ANKRD29: variants seen among roughly 807,000 people sequenced by gnomAD.
ANKRD29 encodes the protein ankyrin repeat domain 29.
Under a neutral mutation model 38.0 loss-of-function variants are expected in ANKRD29, and 32 were observed. That is an observed-to-expected ratio of 0.84 (90% CI 0.64 to 1.13). The LOEUF (loss-of-function observed/expected upper bound fraction) is 1.13, where lower values mean the gene tolerates loss of function less well. Among genes scored for constraint, ANKRD29 ranks in the 50% most tolerant of loss-of-function variants. The pLI is 0.00. For synonymous variants in ANKRD29, 135 were observed against 152.4 expected, an observed-to-expected ratio of 0.89 and a Z score of 0.84; for missense variants, 357 against 377.9, an observed-to-expected ratio of 0.94 and a Z score of 0.46.
intron 1 of ANKRD29, among the ~76,000 whole-genome samples, chr18:23,661,772 A>T (rs1172246633): frequency 2.6e-5 from 4 of 152,196 alleles, no homozygotes; most frequent in Non-Finnish European, 4.4e-5. Flanking sequence ...CCACCTATGC[A>T]CTGGTCCAGT....
intron 9 of ANKRD29, among the ~76,000 whole-genome samples, chr18:23,606,503 GT>G (rs1428070777): frequency 3.9e-5 from 6 of 152,182 alleles, no homozygotes; most frequent in Admixed American, 3.9e-4. Context: ...TAGAGAGGGG[GT>G]CTTGCTATAT....
chr18:23,624,493 A>AAAAAAAAAAC (rs1347550888), intron 6 of ANKRD29, among the ~76,000 whole-genome samples: 1 of 146,984 alleles, frequency 6.8e-6, no homozygotes, highest in Non-Finnish European at 1.5e-5. Flanking sequence ...AAAAAAAAAA[A>AAAAAAAAAAC]AAAAAAAGGT....
chr18:23,626,789 A>G (rs1324301862), intron 6 of ANKRD29, among the ~76,000 whole-genome samples: 1 of 152,232 alleles, frequency 6.6e-6, no homozygotes, highest in African/African-American at 2.4e-5. Context: ...GCTCATATCA[A>G]ATGTCAGCTG....
intron 9 of ANKRD29, among the ~76,000 whole-genome samples, chr18:23,610,655 A>G (rs1229496958): frequency 6.6e-6 from 1 of 152,106 alleles, no homozygotes; most frequent in Non-Finnish European, 1.5e-5. Context: ...TTTACATTTA[A>G]ATAAATAATA....
chr18:23,614,251 G>A (rs947093863), intron 8 of ANKRD29, among the ~76,000 whole-genome samples: 8 of 150,208 alleles, frequency 5.3e-5, no homozygotes, highest in East Asian at 2.0e-4. Flanking sequence ...TAGTAGAGAC[G>A]GGGTTTCACC....
At chr18:23,641,174 A>G (rs2060069711) in intron 3 of ANKRD29, among the ~76,000 whole-genome samples, 1 of 152,198 alleles carries the variant, frequency 6.6e-6, no homozygotes, top group South Asian at 2.1e-4. Context: ...AGGCTGCCAC[A>G]CGGGAGGTGC....
At chr18:23,616,033 CGTAT>C (rs2059710621) in intron 8 of ANKRD29, among the ~76,000 whole-genome samples, 1 of 148,216 alleles carries the variant, frequency 6.7e-6, no homozygotes, top group Admixed American at 6.7e-5. Flanking sequence ...CTACACATAC[CGTAT>C]GTATGTATGC....
At chr18:23,652,753 A>G (rs1364264269) in intron 1 of ANKRD29, among the ~76,000 whole-genome samples, 1 of 152,194 alleles carries the variant, frequency 6.6e-6, no homozygotes, top group Admixed American at 6.5e-5. Context: ...TCTACAATAA[A>G]ACCAAGGAGC....
chr18:23,643,726 T>C (rs777954000), intron 3 of ANKRD29, among the ~76,000 whole-genome samples: 4 of 152,224 alleles, frequency 2.6e-5, no homozygotes, highest in Non-Finnish European at 5.9e-5. Flanking sequence ...CAGCCAATTG[T>C]GGGTTCTTTA....
chr18:23,650,291 G>A (rs1198289067), intron 1 of ANKRD29, among the ~76,000 whole-genome samples: 7 of 152,066 alleles, frequency 4.6e-5, no homozygotes, highest in Admixed American at 2.6e-4. Context: ...GACCCCAGGC[G>A]CATGCCACCA....
At chr18:23,629,008 A>C (rs2059895873) in intron 6 of ANKRD29, among the ~76,000 whole-genome samples, 1 of 152,182 alleles carries the variant, frequency 6.6e-6, no homozygotes, top group South Asian at 2.1e-4. Context: ...TTTTTGAGAC[A>C]GAGTCTTGTT....
At chr18:23,616,943 A>G (rs2059731153) in intron 8 of ANKRD29, among the ~76,000 whole-genome samples, 1 of 151,978 alleles carries the variant, frequency 6.6e-6, no homozygotes, top group Non-Finnish European at 1.5e-5. Context: ...TTTAGGCCAG[A>G]TAGGGTGGCT....
At chr18:23,612,261 A>G in intron 8 of ANKRD29, 71 bp from the exon 9 acceptor site, 1 of 1,371,054 alleles carries the variant, frequency 7.3e-7, no homozygotes, top group Non-Finnish European at 1.0e-6. Context: ...CTTTCATCAT[A>G]AACCATCTGG....
chr18:23,640,711 C>T (rs1222432086), intron 3 of ANKRD29, among the ~76,000 whole-genome samples: 1 of 152,168 alleles, frequency 6.6e-6, no homozygotes, highest in Admixed American at 6.5e-5. Flanking sequence ...GTAATATGAG[C>T]AAAATAATGA....
At chr18:23,649,418 C>T (rs1384834492) in intron 1 of ANKRD29, 2 of 700,418 alleles carry the variant, frequency 2.9e-6, no homozygotes, top group African/African-American at 1.7e-5. Context: ...GTTGATAATC[C>T]AGCACTATTA....
chr18:23,626,314 A>T (rs1386897896), intron 6 of ANKRD29, among the ~76,000 whole-genome samples: 1 of 152,256 alleles, frequency 6.6e-6, no homozygotes, highest in African/African-American at 2.4e-5. Context: ...AAGACTAGAT[A>T]GAGATGAGTT....
intron 6 of ANKRD29, among the ~76,000 whole-genome samples, chr18:23,623,361 T>C (rs1261303556): frequency 6.6e-6 from 1 of 152,186 alleles, no homozygotes; most frequent in East Asian, 1.9e-4. Flanking sequence ...AGAGCATTAT[T>C]GTCAAATCAG....
intron 5 of ANKRD29, among the ~76,000 whole-genome samples, chr18:23,630,977 A>AG (rs2059924166): frequency 6.7e-6 from 1 of 150,348 alleles, no homozygotes; most frequent in South Asian, 2.1e-4. Context: ...CAAAAAAAAA[A>AG]AAAAAGAAAA....
intron 9 of ANKRD29, among the ~76,000 whole-genome samples, chr18:23,603,760 G>A (rs960556962): frequency 2.6e-5 from 4 of 152,086 alleles, no homozygotes; most frequent in Non-Finnish European, 1.5e-5. Flanking sequence ...AAAAGTGGCA[G>A]GTTCACTTTG....
Sources: gnomAD v4.1 joint callset for allele counts (sites outside exome capture counted in the v4.1 genomes callset) on GRCh38, gnomAD v4.1.1 for gene constraint, MANE v1.5 for transcripts, NCBI Gene and HGNC (gene_info 2026-07-23, HGNC 2026-07-21) for gene names.